The following CMYA5 variants were observed in gnomAD, a reference collection of about 807,000 sequenced individuals.
CMYA5 encodes the protein cardiomyopathy-associated protein 5.
A neutral mutation model predicts 318.9 loss-of-function variants in CMYA5; 246 were observed. The observed-to-expected ratio is 0.77, with a 90% CI of 0.70 to 0.86. The LOEUF is 0.86. CMYA5 is among the 40% of genes least tolerant of loss of function. The pLI, the probability that CMYA5 is intolerant of heterozygous loss-of-function variation, is 0.00. For synonymous variants in CMYA5, 1,641 were observed against 1,729.5 expected (o/e 0.95, Z 1.27); for missense variants, 4,589 against 4,678.2 (o/e 0.98, Z 0.56).
At chr5:79,752,906 A>T in intron 6 of CMYA5, 112 bp downstream of exon 6, 1 of 683,694 alleles carries the variant, frequency 1.5e-6, no homozygotes. Context: ...ATGTAACTGG[A>T]AAAAGAAAAG....
intron 1 of CMYA5, among the ~76,000 whole-genome samples, chr5:79,699,968 C>G (rs1501912): frequency 0.13 from 19,034 of 152,170 alleles, 1,357 homozygotes; most frequent in African/African-American, 0.19. Context: ...GATAATACAG[C>G]CTTTGTGGCT....
intron 5 of CMYA5, among the ~76,000 whole-genome samples, chr5:79,752,277 T>C (rs1828444503): frequency 6.6e-6 from 1 of 152,248 alleles, no homozygotes; most frequent in African/African-American, 2.4e-5. Flanking sequence ...AGTTTCTAGA[T>C]GTGCTCTTAG....
At position 79,735,315 on chromosome 5, in the gene CMYA5, A is replaced by T; in HGVS notation, c.6550A>T (p.Ser2184Cys). The change falls in exon 2 of 13, where the codon AGC becomes TGC. Residue 2184 changes from serine (S) to cysteine (C), a missense_variant. This residue lies in a region of CMYA5 where 2,431 missense variants were observed against 2,495.1 expected (regional missense o/e 0.97). Transcript: ENST00000446378. ...GISSFKSWMS[S>C]LFFGSSTPDN... is the part of the protein sequence containing the mutation. The stretch of plus-strand genomic sequence containing the variant: ...TTCATCTTTCAAATCGTGGATGTCC[A>T]GCTTGTTTTTTGGATCGAGCACTCC... 6.2e-7 allele frequency: 1 copy of T among 1,613,876 alleles called. No individual in the cohort carries two copies. The highest frequency in any genetic ancestry group is 8.5e-7 in the Non-Finnish European group (1 of 1,179,828).
intron 9 of CMYA5, among the ~76,000 whole-genome samples, chr5:79,763,705 G>A (rs542192408): frequency 3.4e-4 from 52 of 152,244 alleles, no homozygotes; most frequent in Admixed American, 1.6e-3. Flanking sequence ...GATTCTTCTA[G>A]GAAAAAAGAA....
At chr5:79,692,464 G>A (rs952440600) in intron 1 of CMYA5, among the ~76,000 whole-genome samples, 1 of 152,120 alleles carries the variant, frequency 6.6e-6, no homozygotes, top group Non-Finnish European at 1.5e-5. Context: ...GTGCAGGAAA[G>A]CTCATCATTT....
At chr5:79,771,852 T>G (rs1828861703) in intron 9 of CMYA5, among the ~76,000 whole-genome samples, 1 of 152,200 alleles carries the variant, frequency 6.6e-6, no homozygotes, top group Admixed American at 6.5e-5. Context: ...CAGCCCTGAA[T>G]AGACTGAGGC....
At chr5:79,717,027 A>G (rs1827532443) in intron 1 of CMYA5, among the ~76,000 whole-genome samples, 1 of 152,196 alleles carries the variant, frequency 6.6e-6, no homozygotes, top group South Asian at 2.1e-4. Context: ...ATACTTGTTG[A>G]GTGAATAAAT....
At chr5:79,770,508 A>G (rs1225622396) in intron 9 of CMYA5, among the ~76,000 whole-genome samples, 1 of 152,160 alleles carries the variant, frequency 6.6e-6, no homozygotes, top group Non-Finnish European at 1.5e-5. Flanking sequence ...GCTGGAATGC[A>G]CTGTTCTTCA....
At chr5:79,720,317 C>A (rs1187756382) in intron 1 of CMYA5, among the ~76,000 whole-genome samples, 1 of 150,952 alleles carries the variant, frequency 6.6e-6, no homozygotes. Flanking sequence ...AAATCATCTT[C>A]AAAAAAGTGA....
intron 1 of CMYA5, among the ~76,000 whole-genome samples, chr5:79,695,887 A>C (rs1404516767): frequency 6.6e-6 from 1 of 152,248 alleles, no homozygotes; most frequent in Non-Finnish European, 1.5e-5. Context: ...GTATTCCTTT[A>C]GTTCCTGGTT....
intron 1 of CMYA5, among the ~76,000 whole-genome samples, chr5:79,704,572 T>C (rs1039358199): frequency 2.0e-5 from 3 of 152,156 alleles, no homozygotes; most frequent in Non-Finnish European, 2.9e-5. Context: ...CAATAAAATA[T>C]CTTTTCTGAA....
Position 79,799,872 on chromosome 5 carries a change from A to C in CMYA5, c.*256A>C, listed in dbSNP as rs1245198467. On this transcript the variant is annotated 3_prime_UTR_variant, in exon 13 of 13. Transcript: ENST00000446378. ...TAAGTTTGAGTTCTTTCCTAAATTA[A>C]AAGATCTACACTTGAGTTGGGAACC... 3.5e-5 allele frequency: 6 copies of C among 171,408 alleles called. No individual in the cohort carries two copies. Among genetic ancestry groups the C allele is most frequent in the South Asian group, 1.4e-4 (1 of 7,158 alleles). 10.6% of individuals were successfully genotyped at this position (171,408 alleles called of 1,614,324 possible).
chr5:79,793,301 G>GT lies in CMYA5; in HGVS notation c.11790-135dup, dbSNP rs1172197290. 1.2e-5 allele frequency: 9 copies of GT among 779,140 alleles called. No individual in the cohort carries two copies. The Admixed American group carries it at 2.0e-4, about 17-fold the overall frequency. 48.3% of individuals were successfully genotyped at this position (779,140 alleles called of 1,614,324 possible). On this transcript the variant is annotated intron_variant, in intron 11 of 12. Coordinates refer to ENST00000446378, the MANE Select transcript of CMYA5 (RefSeq NM_153610.5). ...TAAGGTTAGGGATACAATGAACAGA[G>GT]TATCTTTAGTTAAATTCCAGCAGTT... is the stretch of plus-strand genomic sequence containing the variant.
intron 8 of CMYA5, 26 bp from the exon 9 acceptor site, chr5:79,763,036 C>A: frequency 1.2e-6 from 2 of 1,600,822 alleles, no homozygotes; most frequent in Non-Finnish European, 1.7e-6. Context: ...CATTGCTCCA[C>A]GACTGTCCTG....
chr5:79,724,520 AGT>A (rs1313202816), intron 1 of CMYA5, among the ~76,000 whole-genome samples: 1 of 152,184 alleles, frequency 6.6e-6, no homozygotes, highest in Non-Finnish European at 1.5e-5. Context: ...CAACGCTGAA[AGT>A]GTGGAGGAAG....
intron 12 of CMYA5, among the ~76,000 whole-genome samples, chr5:79,794,082 G>A (rs1261041327): frequency 6.6e-6 from 1 of 152,164 alleles, no homozygotes; most frequent in African/African-American, 2.4e-5. Context: ...CCACAGAGAA[G>A]GAATCAACAG....
Position 79,761,965 on chromosome 5 carries a change from G to A in CMYA5, c.11407+8G>A. 1.9e-6 allele frequency: 3 copies of A among 1,610,906 alleles called. No homozygotes were observed. Among genetic ancestry groups the A allele is most frequent in the East Asian group, 2.2e-5 (1 of 44,836 alleles). ...GGGCCATCTTTAGGACAGGTAAGGAGATGGATGCTAAGGGTGCATTAGAAG... is the reference window on the plus strand; with the variant it reads ...GGGCCATCTTTAGGACAGGTAAGGAAATGGATGCTAAGGGTGCATTAGAAG... On this transcript the variant is annotated splice_region_variant and intron_variant, in intron 8 of 12. Coordinates refer to ENST00000446378, the MANE Select transcript of CMYA5 (RefSeq NM_153610.5).
At position 79,733,398 on chromosome 5, in the gene CMYA5, C is replaced by A. The variant is rs751680841; in HGVS notation, c.4633C>A (p.Pro1545Thr). 1.9e-6 allele frequency: 3 copies of A among 1,613,464 alleles called. No individual in the cohort carries two copies. In the African/African-American group the frequency reaches 4.0e-5, roughly 22 times the overall value. Residue 1545 changes from proline to threonine, a missense_variant, in exon 2 of 13, where the codon CCT becomes ACT. Around this residue, in one of 3 missense-constraint regions of CMYA5, gnomAD observed 2,132 missense variants for 2,131.3 expected, o/e 1.00. Coordinates refer to ENST00000446378, the MANE Select transcript of CMYA5 (RefSeq NM_153610.5). Reference protein sequence around the residue: ...GEIKKKETELPSSQNVSPASK... With the variant: ...GEIKKKETELTSSQNVSPASK... ...GATAAAGAAGAAAGAAACTGAACTT[C>A]CTTCATCACAAAATGTGTCACCTGC...
chr5:79,726,073 A>G (rs1285888148), intron 1 of CMYA5, among the ~76,000 whole-genome samples: 1 of 152,244 alleles, frequency 6.6e-6, no homozygotes, highest in African/African-American at 2.4e-5. Context: ...AAAGAAATAC[A>G]TGAATGAATG....
Sources: allele counts gnomAD v4.1 joint callset (sites outside exome capture counted in the v4.1 genomes callset), GRCh38; gene constraint gnomAD v4.1.1; regional missense constraint gnomAD v4.1.1; transcripts MANE v1.5; gene names NCBI Gene and HGNC (gene_info 2026-07-23, HGNC 2026-07-21).